The following LARGE1 variants were observed in gnomAD, a reference collection of about 807,000 sequenced individuals.
LARGE1 encodes the protein LARGE xylosyl- and glucuronyltransferase 1.
LARGE1 carries 43 observed loss-of-function variants against 87.6 expected under a neutral mutation model. The ratio of observed to expected loss-of-function variants is 0.49; its 90% confidence interval spans 0.38 to 0.63. LARGE1 has a LOEUF of 0.63. LARGE1 is among the 30% of genes least tolerant of loss of function. The probability of loss-of-function intolerance (pLI) is 0.00; values close to 1 mark genes in which losing one functional copy is unlikely to be tolerated. For synonymous variants in LARGE1, 434 were observed against 394.6 expected (o/e 1.10, Z -1.18); for missense variants, 802 against 1,000.2 (o/e 0.80, Z 2.67).
chr22:33,859,957 G>C (rs910418554), intron 1 of LARGE1, among the ~76,000 whole-genome samples: 4 of 152,140 alleles, frequency 2.6e-5, no homozygotes, highest in African/African-American at 9.7e-5. Context: ...CTTGCCAGGG[G>C]CTGGGAGGAG....
intron 4 of LARGE1, among the ~76,000 whole-genome samples, chr22:33,605,020 G>C (rs1375516198): frequency 2.0e-5 from 3 of 151,342 alleles, no homozygotes; most frequent in Admixed American, 2.0e-4. Flanking sequence ...TCTTCTGCTT[G>C]TTCCTCTCCA....
At chr22:33,364,462 G>T (rs1382581410) in intron 9 of LARGE1, among the ~76,000 whole-genome samples, 1 of 152,120 alleles carries the variant, frequency 6.6e-6, no homozygotes, top group East Asian at 1.9e-4. Flanking sequence ...CTTCCCTTGG[G>T]AGTACAACAG....
intron 1 of LARGE1, among the ~76,000 whole-genome samples, chr22:33,914,382 C>G (rs1443341477): frequency 6.6e-6 from 1 of 152,212 alleles, no homozygotes; most frequent in Admixed American, 6.5e-5. Flanking sequence ...AAGTTACATT[C>G]AGGGCTTTGC....
At chr22:33,656,092 C>T (rs1393854810) in intron 2 of LARGE1, among the ~76,000 whole-genome samples, 1 of 151,516 alleles carries the variant, frequency 6.6e-6, no homozygotes, top group East Asian at 1.9e-4. Context: ...TGTACACACA[C>T]AAATATTACT....
chr22:33,918,488 A>G (rs1166962635), intron 1 of LARGE1, among the ~76,000 whole-genome samples: 1 of 152,206 alleles, frequency 6.6e-6, no homozygotes, highest in Non-Finnish European at 1.5e-5. Context: ...TGTGTTCTCC[A>G]CAAGCAATTT....
At chr22:33,744,304 A>T (rs1026494916) in intron 2 of LARGE1, 1 of 152,250 alleles carries the variant, frequency 6.6e-6, no homozygotes, top group African/African-American at 2.4e-5. Flanking sequence ...AGAAGGCAAG[A>T]GACAAGCCCA....
intron 3 of LARGE1, among the ~76,000 whole-genome samples, chr22:33,631,179 T>C (rs1024918666): frequency 1.4e-4 from 21 of 151,942 alleles, no homozygotes; most frequent in Non-Finnish European, 2.6e-4. Flanking sequence ...TTTTAAGAGA[T>C]GGGGTCTTGC....
rs1489703486 is a variant in LARGE1 at position 33,583,498 on chromosome 22, A to G, written c.616-18479T>C. On this transcript the variant is annotated intron_variant, in intron 5 of 14. Coordinates refer to ENST00000397394, the MANE Select transcript of LARGE1 (RefSeq NM_133642.5). ...TTAAGGTCAGGGTTTTGGACTTAGT[A>G]GCAATCAATGCCTCTCAAGGTATAT... 3.9e-5 allele frequency among the ~76,000 whole-genome samples: 6 copies of G among 152,200 alleles called. No individual in the cohort carries two copies. In the East Asian group the frequency reaches 1.2e-3, roughly 29 times the overall value.
the LARGE1 span, among the ~76,000 whole-genome samples, chr22:33,104,869 G>A: frequency 7.1e-6 from 1 of 140,872 alleles, no homozygotes. Flanking sequence ...TAGAAGCTGG[G>A]ACTTCAATAG....
intron 1 of LARGE1, among the ~76,000 whole-genome samples, chr22:33,785,051 A>G (rs917230737): frequency 6.7e-6 from 1 of 149,012 alleles, no homozygotes; most frequent in Non-Finnish European, 1.5e-5. Flanking sequence ...GTGTATACAT[A>G]CATGTGTATA....
At chr22:33,182,041 C>T (rs999055404) in intron 11 of LARGE1, among the ~76,000 whole-genome samples, 9 of 151,902 alleles carry the variant, frequency 5.9e-5, no homozygotes, top group Admixed American at 2.6e-4. Flanking sequence ...AGGCTGGTCT[C>T]GAACTCCTGA....
intron 6 of LARGE1, among the ~76,000 whole-genome samples, chr22:33,501,644 C>T (rs1466150419): frequency 6.6e-6 from 1 of 152,140 alleles, no homozygotes; most frequent in East Asian, 1.9e-4. Context: ...CCTGGCTGTC[C>T]ATCAACACTT....
At chr22:33,172,129 C>T (rs531910049) in intron 11 of LARGE1, among the ~76,000 whole-genome samples, 181 of 152,382 alleles carry the variant, frequency 1.2e-3, no homozygotes, top group Non-Finnish European at 2.3e-3. Context: ...GGGTTTCAGA[C>T]TTGCATGGGG....
chr22:33,375,772 T>C (rs1226841863), intron 9 of LARGE1, among the ~76,000 whole-genome samples: 3 of 152,250 alleles, frequency 2.0e-5, no homozygotes, highest in Middle Eastern at 3.4e-3. Flanking sequence ...TTTTGAGACA[T>C]GGTTTCTCTC....
Position 33,273,958 on chromosome 22 carries a change from CA to C in LARGE1, c.*468del. On this transcript the variant is annotated 3_prime_UTR_variant, in exon 15 of 15. Coordinates refer to ENST00000397394, the MANE Select transcript of LARGE1 (RefSeq NM_133642.5). ...TGCCCTCCGTTTGAATGCCCAGCTA[CA>C]TTGCAGGGCAAAGGGGAAAGTTTTC... is the stretch of plus-strand genomic sequence containing the variant. 1 of 344,850 alleles carries C rather than the reference CA, an allele frequency of 2.9e-6. No homozygotes were observed. 21.4% of individuals were successfully genotyped at this position (344,850 alleles called of 1,614,324 possible).
Position 33,539,444 on chromosome 22 carries a change from C to G in LARGE1, c.787+25404G>C, listed in dbSNP as rs140827607. Reference sequence around the variant, plus strand: ...CACATAGGCCCAATGGGGTAAATAACTTGCTCAAACATATCCTGTTCTATT... The same window carrying G: ...CACATAGGCCCAATGGGGTAAATAAGTTGCTCAAACATATCCTGTTCTATT... On this transcript the variant is annotated intron_variant, in intron 6 of 14. Transcript: ENST00000397394. Among the ~76,000 whole-genome samples, 11 of 152,288 alleles carry G rather than the reference C, an allele frequency of 7.2e-5. No individual in the cohort carries two copies. In the East Asian group the frequency reaches 2.1e-3, roughly 29 times the overall value.
At chr22:33,683,335 CTT>C (rs1158355367) in intron 2 of LARGE1, among the ~76,000 whole-genome samples, 2 of 152,178 alleles carry the variant, frequency 1.3e-5, no homozygotes, top group African/African-American at 4.8e-5. Context: ...GGACACTGGT[CTT>C]TTCTTGCCTT....
At chr22:33,837,269 C>A (rs9621778) in intron 1 of LARGE1, among the ~76,000 whole-genome samples, 21,708 of 151,782 alleles carry the variant, frequency 0.14, 1,675 homozygotes, top group South Asian at 0.28. Flanking sequence ...CACACACACA[C>A]ACACACACAC....
In LARGE1 at chr22:33,858,118, G is replaced by A. The variant is rs143705601; in HGVS notation, c.-83+61877C>T. Among the ~76,000 whole-genome samples, 456 of 152,284 alleles carry A rather than the reference G, an allele frequency of 3.0e-3. 6 individuals carry two copies. The highest frequency in any genetic ancestry group is 0.01 in the African/African-American group (434 of 41,558). ...TCACGGAAGAGAACCGTGGAACCCCGTGACTAGTGTTCAACTCGATTAGGA... is the reference window on the plus strand; with the variant it reads ...TCACGGAAGAGAACCGTGGAACCCCATGACTAGTGTTCAACTCGATTAGGA... On this transcript the variant is annotated intron_variant, in intron 1 of 14. Coordinates refer to ENST00000397394, the MANE Select transcript of LARGE1 (RefSeq NM_133642.5).
Sources: allele counts gnomAD v4.1 joint callset (sites outside exome capture counted in the v4.1 genomes callset), GRCh38; gene constraint gnomAD v4.1.1; transcripts MANE v1.5; gene names NCBI Gene and HGNC (gene_info 2026-07-23, HGNC 2026-07-21).